The following CIAO2A variants were observed in gnomAD, a reference collection of about 807,000 sequenced individuals.
CIAO2A encodes the protein MIP18 family protein FAM96A.
Under a neutral mutation model 22.4 loss-of-function variants are expected in CIAO2A, and 17 were observed. That is an observed-to-expected ratio of 0.76 (90% confidence interval 0.52 to 1.14). The LOEUF (loss-of-function observed/expected upper bound fraction) is 1.14. Ranked by LOEUF, CIAO2A falls within the 50% of genes most tolerant of loss-of-function variation. The probability of loss-of-function intolerance (pLI) is 0.00; values close to 1 mark genes in which losing one functional copy is unlikely to be tolerated. For missense variants in CIAO2A, 192 were observed against 191.4 expected (o/e 1.00, Z -0.02); for synonymous variants, 74 against 72.3 (o/e 1.02, Z -0.12).
At position 64,082,380 on chromosome 15, in the gene CIAO2A, T is replaced by C. The variant is rs148553453; in HGVS notation, c.290-1229A>G. 4.6e-4 allele frequency among the ~76,000 whole-genome samples: 70 copies of C among 152,196 alleles called. No individual in the cohort carries two copies. The East Asian group carries it at 0.012, about 25-fold the overall frequency. ...AGTAGCTGGGACTACAGAAGCACGC[T>C]ACCACACCCACTAATTTTTGTATTT... On this transcript the variant is annotated intron_variant, in intron 2 of 4. Transcript: ENST00000300030.
At chr15:64,084,891 G>A (rs1039864655) in intron 2 of CIAO2A, among the ~76,000 whole-genome samples, 8 of 152,086 alleles carry the variant, frequency 5.3e-5, no homozygotes, top group African/African-American at 1.7e-4. Flanking sequence ...TCACAAGTTC[G>A]AGACCAGCCT....
chr15:64,083,947 A>AAAAAT (rs1014170646), intron 2 of CIAO2A, among the ~76,000 whole-genome samples: 4 of 152,058 alleles, frequency 2.6e-5, no homozygotes, highest in East Asian at 1.9e-4. Context: ...TGTCTCAAAA[A>AAAAAT]AAAATAAAAT....
At position 64,085,643 on chromosome 15, in the gene CIAO2A, T is replaced by G. The variant is rs563682674; in HGVS notation, c.289+3044A>C. Among the ~76,000 whole-genome samples, 4 of 152,298 alleles carry G rather than the reference T, an allele frequency of 2.6e-5. No individual in the cohort carries two copies. In the East Asian group the frequency reaches 7.7e-4, roughly 29 times the overall value. ...ATAAGGAAACTGGGTCTTGGAAAGGTTAAGTAACTTGCCGAAGCCCACAAT... is the reference window on the plus strand; with the variant it reads ...ATAAGGAAACTGGGTCTTGGAAAGGGTAAGTAACTTGCCGAAGCCCACAAT... On this transcript the variant is annotated intron_variant, in intron 2 of 4. Coordinates refer to ENST00000300030, the MANE Select transcript of CIAO2A (RefSeq NM_032231.7).
chr15:64,092,106 CTCA>C (rs890339100), intron 1 of CIAO2A, among the ~76,000 whole-genome samples: 4 of 151,550 alleles, frequency 2.6e-5, no homozygotes, highest in Admixed American at 1.3e-4. Flanking sequence ...GAAAGTTCTC[CTCA>C]TATTACTCCC....
chr15:64,079,356 C>A (rs1427668237), intron 3 of CIAO2A, among the ~76,000 whole-genome samples: 1 of 152,068 alleles, frequency 6.6e-6, no homozygotes, highest in Non-Finnish European at 1.5e-5. Context: ...GCTTGGGCAA[C>A]AAAGAGAGAC....
intron 3 of CIAO2A, among the ~76,000 whole-genome samples, chr15:64,078,585 G>A (rs780827498): frequency 1.4e-5 from 2 of 146,034 alleles, no homozygotes; most frequent in Non-Finnish European, 3.0e-5. Flanking sequence ...GCACTGGGCC[G>A]AGATCGCACC....
intron 3 of CIAO2A, among the ~76,000 whole-genome samples, chr15:64,080,694 A>G (rs2080753417): frequency 6.6e-6 from 1 of 152,150 alleles, no homozygotes; most frequent in Admixed American, 6.6e-5. Flanking sequence ...AACAAAAACA[A>G]AAAACCATCA....
chr15:64,076,169 A>C (rs929353444), intron 3 of CIAO2A, among the ~76,000 whole-genome samples: 3 of 152,156 alleles, frequency 2.0e-5, no homozygotes, highest in African/African-American at 7.2e-5. Flanking sequence ...ACTTAAGAAT[A>C]TCTCTTTTCT....
chr15:64,075,816 A>T (rs1294771566), intron 3 of CIAO2A, among the ~76,000 whole-genome samples: 1 of 151,928 alleles, frequency 6.6e-6, no homozygotes, highest in Admixed American at 6.6e-5. Flanking sequence ...CACCCAGCTA[A>T]GTTTTGTATT....
intron 1 of CIAO2A, among the ~76,000 whole-genome samples, chr15:64,091,260 C>A (rs2080837437): frequency 6.6e-6 from 1 of 152,012 alleles, no homozygotes; most frequent in Non-Finnish European, 1.5e-5. Flanking sequence ...GCAAGTGGAT[C>A]ACCCACCTGA....
At chr15:64,087,678 A>C (rs2080808530) in intron 2 of CIAO2A, among the ~76,000 whole-genome samples, 2 of 152,220 alleles carry the variant, frequency 1.3e-5, no homozygotes, top group South Asian at 4.1e-4. Context: ...GGAAATAATA[A>C]CGAAATAGCG....
Position 64,075,493 on chromosome 15 carries a change from G to A in CIAO2A, c.384C>T (p.Asp128=). 6.4e-7 allele frequency: 1 copy of A among 1,571,536 alleles called. No homozygotes were observed. Among genetic ancestry groups the A allele is most frequent in the Non-Finnish European group, 8.7e-7 (1 of 1,154,090 alleles). ...AATTATGTTTCAACATTCACTTACT[G>A]TCTTCTTCTGTTGAGTGGGTTCCTT... ...ISEGTHSTEE[D]INKQINDKER... Residue 128 remains aspartate (D), a splice_region_variant and synonymous_variant, in exon 4 of 5, where the codon GAC becomes GAT. Transcript: ENST00000300030.
intron 2 of CIAO2A, among the ~76,000 whole-genome samples, chr15:64,082,480 G>A (rs1435577290): frequency 1.3e-5 from 2 of 152,052 alleles, no homozygotes; most frequent in Non-Finnish European, 2.9e-5. Context: ...TGCCCGCCTC[G>A]GCCTCCCAAA....
chr15:64,082,991 C>CAG (rs1228340133), intron 2 of CIAO2A, among the ~76,000 whole-genome samples: 8 of 151,572 alleles, frequency 5.3e-5, no homozygotes, highest in Admixed American at 3.3e-4. Context: ...TGCTTGAGCC[C>CAG]AGGAGTTCAA....
At chr15:64,085,812 G>A (rs556788614) in intron 2 of CIAO2A, among the ~76,000 whole-genome samples, 13 of 151,928 alleles carry the variant, frequency 8.6e-5, no homozygotes, top group East Asian at 2.0e-4. Flanking sequence ...GGGTTCAAGC[G>A]ATTCTCCTGC....
At chr15:64,082,641 G>C (rs80246324) in intron 2 of CIAO2A, among the ~76,000 whole-genome samples, 1 of 152,078 alleles carries the variant, frequency 6.6e-6, no homozygotes, top group Non-Finnish European at 1.5e-5. Context: ...AGCATATCTG[G>C]GAGAGTTCCT....
At position 64,093,686 on chromosome 15, in the gene CIAO2A, C is replaced by G; in HGVS notation, c.83G>C (p.Arg28Pro). The G allele has an allele frequency of 6.2e-7, 1 of 1,614,026 alleles. No homozygotes were observed. Among genetic ancestry groups the G allele is most frequent in the Non-Finnish European group, 8.5e-7 (1 of 1,179,944 alleles). Reference sequence around the variant, plus strand: ...TTTCTCTTCCATGATCCGGGGCTGCCGGGCAGCTCCCGGCTCAGAGAGGCC... The same window carrying G: ...TTTCTCTTCCATGATCCGGGGCTGCGGGGCAGCTCCCGGCTCAGAGAGGCC... ...LSGLSEPGAARQPRIMEEKAL... is the reference protein window; with the variant it reads ...LSGLSEPGAAPQPRIMEEKAL... Residue 28 changes from arginine to proline, a missense_variant, in exon 1 of 5, where the codon CGG becomes CCG. Physicochemically the swap from Arg to Pro is moderately radical, Grantham distance 103. Coordinates refer to ENST00000300030, the MANE Select transcript of CIAO2A (RefSeq NM_032231.7).
intron 3 of CIAO2A, among the ~76,000 whole-genome samples, chr15:64,078,599 G>C (rs979168795): frequency 7.0e-6 from 1 of 142,008 alleles, no homozygotes; most frequent in African/African-American, 2.5e-5. Context: ...TCGCACCACT[G>C]CCCTCCAGCC....
intron 3 of CIAO2A, 63 bp from the exon 4 acceptor site, chr15:64,075,600 G>T: frequency 9.5e-7 from 1 of 1,049,026 alleles, no homozygotes. Context: ...AGAGAGTGAA[G>T]TGGAATGTAC....
Sources: allele counts gnomAD v4.1 joint callset (sites outside exome capture counted in the v4.1 genomes callset), GRCh38; gene constraint gnomAD v4.1.1; transcripts MANE v1.5; gene names NCBI Gene and HGNC (gene_info 2026-07-23, HGNC 2026-07-21).